Variants in SLC19A1 observed in about 807,000 individuals in gnomAD.
SLC19A1 encodes reduced folate transporter.
SLC19A1 carries 37 observed loss-of-function variants against 35.3 expected under a neutral mutation model. The observed-to-expected ratio is 1.05, with a 90% CI of 0.81 to 1.38. The LOEUF (loss-of-function observed/expected upper bound fraction) is 1.38. Among genes scored for constraint, SLC19A1 ranks in the 40% most tolerant of loss-of-function variants. SLC19A1 has a pLI of 0.00. For missense variants in SLC19A1, 831 were observed against 826.9 expected (o/e 1.00, Z -0.06); for synonymous variants, 460 against 398.5 (o/e 1.15, Z -1.84).
intron 1 of SLC19A1, among the ~76,000 whole-genome samples, chr21:45,554,778 G>A (rs563282415): frequency 6.6e-6 from 1 of 151,540 alleles, no homozygotes; most frequent in African/African-American, 2.4e-5. Context: ...TACTATTATT[G>A]TTATGACAAG....
chr21:45,510,033 C>G, downstream of SLC19A1: 1 of 1,538,434 alleles, frequency 6.5e-7, no homozygotes, highest in Non-Finnish European at 8.7e-7. Context: ...CAGCGTGGGA[C>G]ACAGCCCGTG....
intron 1 of SLC19A1, among the ~76,000 whole-genome samples, chr21:45,555,511 T>TTGCAGGGAACGGAGG (rs1205319285): frequency 5.5e-4 from 42 of 76,462 alleles, no homozygotes; most frequent in African/African-American, 2.1e-3. Context: ...GCGACGCGGG[T>TTGCAGGGAACGGAGG]TGCAGGGAAC....
chr21:45,510,410 C>T, downstream of SLC19A1: 1 of 900,782 alleles, frequency 1.1e-6, no homozygotes, highest in Non-Finnish European at 1.7e-6. Flanking sequence ...AGGGCAGGCT[C>T]CGGGTGGGTC....
At chr21:45,510,499 C>T (rs9306130), downstream of SLC19A1, among the ~76,000 whole-genome samples, 87,661 of 151,778 alleles carry the variant, frequency 0.58, 25,546 homozygotes, top group African/African-American at 0.66. Context: ...GAGGCCCCCC[C>T]GTGGCCCCCT....
Position 45,516,009 on chromosome 21 carries a change from G to C in SLC19A1, c.1425C>G (p.Ala475=), listed in dbSNP as rs767841563. 5.1e-6 allele frequency: 8 copies of C among 1,572,726 alleles called. No individual in the cohort carries two copies. The highest frequency in any genetic ancestry group is 6.9e-6 in the Non-Finnish European group (8 of 1,160,180). Reference sequence around the variant, plus strand: ...GTGCCTGTGCTGCCTTCTCCTCCGCGGCACTCCTCAGGCCCTGGGCCGGGG... The same window carrying C: ...GTGCCTGTGCTGCCTTCTCCTCCGCCGCACTCCTCAGGCCCTGGGCCGGGG... ...RQPPAQGLRS[A]AEEKAAQALS... is the part of the protein sequence containing the mutation. Residue 475 remains alanine (A), a synonymous_variant, in exon 6 of 6, where the codon GCC becomes GCG. Coordinates refer to ENST00000311124, the MANE Select transcript of SLC19A1 (RefSeq NM_194255.4).
rs757118325 is a variant in SLC19A1, at chr21:45,525,940, A to G, written c.1170T>C (p.Ser390=). 6.2e-7 allele frequency: 1 copy of G among 1,613,420 alleles called. No individual in the cohort carries two copies. The stretch of plus-strand genomic sequence containing the variant: ...CCAGGGCACAGAGCTCTTTAGACAG[A>G]GAAGATGCAATCTGAAAGCTGAACG... The part of the protein sequence containing the change: ...VPIATFQIAS[S]LSKELCALVF... Residue 390 remains serine, a synonymous_variant, in exon 5 of 6, where the codon TCT becomes TCC. Coordinates refer to ENST00000311124, the MANE Select transcript of SLC19A1 (RefSeq NM_194255.4).
Position 45,531,491 on chromosome 21 carries a change from G to C in SLC19A1, c.847C>G (p.Leu283Val). The change falls in exon 3 of 6, where the codon CTG becomes GTG. Residue 283 changes from leucine (L) to valine (V), a missense_variant. Physicochemically the swap from Leu to Val is conservative, Grantham distance 32. Transcript: ENST00000311124. ...AGGATGTGCACGTAGTAGACCACCA[G>C]GTAGTAGCCGGCCGAGTTGAAGACC... The part of the protein sequence containing the change: ...WWVFNSAGYY[L>V]VVYYVHILWN... 9.3e-6 allele frequency: 15 copies of C among 1,612,790 alleles called. No individual in the cohort carries two copies. The highest frequency in any genetic ancestry group is 1.1e-5 in the Non-Finnish European group (13 of 1,179,782).
rs1051715132 is a variant in SLC19A1 at position 45,534,814 on chromosome 21, G to A, written c.190-2666C>T. On this transcript the variant is annotated intron_variant, in intron 2 of 5. Coordinates refer to ENST00000311124, the MANE Select transcript of SLC19A1 (RefSeq NM_194255.4). This position sits in a 1 kb window ranked among gnomAD's most constrained non-coding sequence, Gnocchi z 4.2. ...CTGCTGGGGGAGGGGCCCTCACAAC[G>A]GTCCCAGCAGGGAGGTGGCATCTGT... is the stretch of plus-strand genomic sequence containing the variant. 6 of 578,244 alleles carry A rather than the reference G, an allele frequency of 1.0e-5. No individual in the cohort carries two copies. The highest frequency in any genetic ancestry group is 4.0e-5 in the South Asian group (2 of 49,448). 35.8% of individuals were successfully genotyped at this position (578,244 alleles called of 1,614,324 possible).
rs2078264187 is a variant in SLC19A1 at position 45,540,319 on chromosome 21, A to C, written c.-50+2049T>G. Among the ~76,000 whole-genome samples, 1 of 152,124 alleles carries C rather than the reference A, an allele frequency of 6.6e-6. No homozygotes were observed. Among genetic ancestry groups the C allele is most frequent in the East Asian group, 1.9e-4 (1 of 5,178 alleles). ...AACCAGATCGCCGCAGACAACGGGG[A>C]GCCATCAGGAGCTGAACTAAGCCCA... On this transcript the variant is annotated intron_variant, in intron 1 of 5. Transcript: ENST00000311124. This position sits in a 1 kb window ranked among gnomAD's most constrained non-coding sequence, Gnocchi z 5.5.
At position 45,534,515 on chromosome 21, in the gene SLC19A1, G is replaced by A. The variant is rs2078042933; in HGVS notation, c.190-2367C>T. On this transcript the variant is annotated intron_variant, in intron 2 of 5. Coordinates refer to ENST00000311124, the MANE Select transcript of SLC19A1 (RefSeq NM_194255.4). This position sits in a 1 kb window ranked among gnomAD's most constrained non-coding sequence, Gnocchi z 4.2. ...ACGGCTCTCTGGAAAAGGGCGGCCA[G>A]GGGTCCTAGAAGCCTCACCCACCTC... 1 of 1,521,052 alleles carries A rather than the reference G, an allele frequency of 6.6e-7. No homozygotes were observed. The highest frequency in any genetic ancestry group is 1.2e-5 in the South Asian group (1 of 83,768). The allele number at this position is 1,521,052 out of a possible 1,614,324, so 94.2% of individuals were successfully genotyped here.
At chr21:45,503,415 G>T (rs1199142530) in intron 3 of SLC19A1, among the ~76,000 whole-genome samples, 2 of 151,976 alleles carry the variant, frequency 1.3e-5, no homozygotes, top group Non-Finnish European at 2.9e-5. Flanking sequence ...TTTTGATGGG[G>T]TTGTTTGTGG....
Position 45,506,022 on chromosome 21 carries a change from G to C in SLC19A1, c.498-7410C>G. 3 of 1,611,578 alleles carry C rather than the reference G, an allele frequency of 1.9e-6. No homozygotes were observed. The South Asian group carries it at 3.3e-5, about 18-fold the overall frequency. ...CGTGGAAGGGCCGAAGCCGCCTCCT[G>C]GGGCTTAAGGAAGGCGAGAGGCTCA... On this transcript the variant is annotated intron_variant, in intron 3 of 4. Transcript: ENST00000417954.
upstream of SLC19A1, among the ~76,000 whole-genome samples, chr21:45,543,042 C>T (rs1191028839): frequency 1.3e-5 from 2 of 152,120 alleles, no homozygotes; most frequent in Non-Finnish European, 2.9e-5. Flanking sequence ...CCTGCCTGAC[C>T]GTGACCCGTA....
At chr21:45,510,943 ACACCCACAACACCC>A, downstream of SLC19A1, among the ~76,000 whole-genome samples, 2 of 26,014 alleles carry the variant, frequency 7.7e-5, no homozygotes, top group Non-Finnish European at 1.2e-4. Flanking sequence ...AAAAAAACAC[ACACCCACAACACCC>A]CACATACACC....
At chr21:45,537,719 T>TGGGGGGGGCCCCCCCCCCCCCCCCCC in intron 2 of SLC19A1, 52 bp downstream of exon 2, 1 of 319,776 alleles carries the variant, frequency 3.1e-6, no homozygotes, top group Non-Finnish European at 5.6e-6. Context: ...CAGACGCTGC[T>TGGGGGGGGCCCCCCCCCCCCCCCCCC]CCCCGCCCAC....
chr21:45,530,777 T>TTA lies in SLC19A1; in HGVS notation c.1143_1144insTA (p.Ile382Ter). ...CACCCTTCTGGAACTCACGTGGCGA[T>TTA]GGGCACGAGGAACTGGTAGGAGCCG... On this transcript the variant is annotated frameshift_variant, in exon 4 of 6. Coordinates refer to ENST00000311124, the MANE Select transcript of SLC19A1 (RefSeq NM_194255.4). LOFTEE classifies it high-confidence loss of function. The surrounding 1 kb of genome is among the most constrained non-coding windows in gnomAD (Gnocchi z 5.3). The TTA allele has an allele frequency of 6.4e-7, 1 of 1,559,732 alleles. No homozygotes were observed. The highest frequency in any genetic ancestry group is 1.2e-5 in the South Asian group (1 of 85,100).
chr21:45,529,396 G>A (rs2077767634), intron 4 of SLC19A1, among the ~76,000 whole-genome samples: 1 of 152,232 alleles, frequency 6.6e-6, no homozygotes, highest in African/African-American at 2.4e-5. Flanking sequence ...GAGGGAGGGA[G>A]ATAGGGCTCG....
intron 1 of SLC19A1, among the ~76,000 whole-genome samples, chr21:45,559,738 C>A (rs1391951761): frequency 6.6e-6 from 1 of 152,204 alleles, no homozygotes; most frequent in South Asian, 2.1e-4. Flanking sequence ...TCCTTATTAA[C>A]AGCAGTGAAG....
downstream of SLC19A1, among the ~76,000 whole-genome samples, chr21:45,511,478 C>T (rs981940784): frequency 2.6e-5 from 4 of 152,110 alleles, no homozygotes; most frequent in Admixed American, 1.3e-4. Context: ...CTGCTCATGG[C>T]GGATAGACTC....
Sources: gnomAD v4.1 joint callset for allele counts (sites outside exome capture counted in the v4.1 genomes callset) on GRCh38, gnomAD v4.1.1 for gene constraint, Gnocchi (gnomAD v3.1) non-coding constraint, MANE v1.5 for transcripts, NCBI Gene and HGNC (gene_info 2026-07-23, HGNC 2026-07-21) for gene names.